Variants in KALRN observed in about 807,000 individuals in gnomAD.
KALRN encodes the protein kalirin.
A neutral mutation model predicts 353.7 loss-of-function variants in KALRN; 70 were observed. That is an observed-to-expected ratio of 0.20 (90% confidence interval 0.16 to 0.24). The LOEUF (loss-of-function observed/expected upper bound fraction) is 0.24. Among genes scored for constraint, KALRN ranks in the 10% least tolerant of loss-of-function variants. KALRN has a pLI of 1.00. For missense variants in KALRN, 2,791 were observed against 3,756.7 expected, an observed-to-expected ratio of 0.74 and a Z score of 6.72; for synonymous variants, 1,391 against 1,434.8, an observed-to-expected ratio of 0.97 and a Z score of 0.69.
intron 3 of KALRN, among the ~76,000 whole-genome samples, chr3:124,247,334 A>G (rs2070432297): frequency 6.6e-6 from 1 of 152,208 alleles, no homozygotes; most frequent in African/African-American, 2.4e-5. Flanking sequence ...CTGAAATTTA[A>G]GCAACCAATA....
intron 33 of KALRN, among the ~76,000 whole-genome samples, chr3:124,523,160 A>G (rs2067302156): frequency 6.6e-6 from 1 of 152,230 alleles, no homozygotes; most frequent in Non-Finnish European, 1.5e-5. Context: ...TTGAGCTATC[A>G]AGTCTGAGAC....
chr3:124,337,866 A>G (rs1365606527), intron 9 of KALRN, among the ~76,000 whole-genome samples: 1 of 152,102 alleles, frequency 6.6e-6, no homozygotes, highest in African/African-American at 2.4e-5. Context: ...TAGTCTTGGG[A>G]GGATGTATGT....
intron 27 of KALRN, among the ~76,000 whole-genome samples, chr3:124,482,222 A>G (rs2062057020): frequency 6.6e-6 from 1 of 152,354 alleles, no homozygotes; most frequent in East Asian, 1.9e-4. Flanking sequence ...AGACCTGAAG[A>G]ATGAAGGAGG....
intron 1 of KALRN, among the ~76,000 whole-genome samples, chr3:124,198,630 G>A (rs2075670514): frequency 6.6e-6 from 1 of 152,188 alleles, no homozygotes; most frequent in South Asian, 2.1e-4. Flanking sequence ...TTGATAAGGA[G>A]TTCTTATTCT....
Position 124,347,562 on chromosome 3 carries a change from T to C in KALRN, c.1770+297T>C, listed in dbSNP as rs562120929. Among the ~76,000 whole-genome samples, 7 of 152,170 alleles carry C rather than the reference T, an allele frequency of 4.6e-5. No individual in the cohort carries two copies. The South Asian group carries it at 1.5e-3, about 32-fold the overall frequency. ...GTAAAATAGATGCCCACATTTATGG[T>C]CTTTGAAAAAGATCTTCCTGCTGGT... On this transcript the variant is annotated intron_variant, in intron 10 of 59. Coordinates refer to ENST00000682506, the MANE Select transcript of KALRN (RefSeq NM_001388419.1).
intron 5 of KALRN, among the ~76,000 whole-genome samples, chr3:124,275,345 C>G (rs2074593880): frequency 6.6e-6 from 1 of 152,216 alleles, no homozygotes; most frequent in Non-Finnish European, 1.5e-5. Flanking sequence ...CCTTTTACAA[C>G]TTAACAATTG....
intron 1 of KALRN, among the ~76,000 whole-genome samples, chr3:124,059,095 A>C (rs1230559261): frequency 1.3e-5 from 2 of 152,094 alleles, no homozygotes; most frequent in African/African-American, 4.8e-5. Context: ...GAGGTCCTTT[A>C]ACTTTCTCAG....
chr3:124,221,451 G>A (rs938498334), intron 1 of KALRN, among the ~76,000 whole-genome samples: 1 of 152,142 alleles, frequency 6.6e-6, no homozygotes, highest in Non-Finnish European at 1.5e-5. Context: ...TACCCTCAAG[G>A]CATCAGGATC....
At chr3:124,705,822 C>CCTTCCTTCCTT (rs1553740574) in intron 57 of KALRN, among the ~76,000 whole-genome samples, 17 of 144,666 alleles carry the variant, frequency 1.2e-4, no homozygotes, top group African/African-American at 4.0e-4. Flanking sequence ...CTTCCTTCCT[C>CCTTCCTTCCTT]CCTTCCTTCC....
chr3:124,149,344 A>G (rs1578631198), intron 1 of KALRN, among the ~76,000 whole-genome samples: 1 of 152,206 alleles, frequency 6.6e-6, no homozygotes, highest in East Asian at 1.9e-4. Context: ...CCATTGCTAC[A>G]AGTAGGAGTC....
At chr3:124,559,459 G>A (rs753607106) in intron 33 of KALRN, among the ~76,000 whole-genome samples, 25 of 152,306 alleles carry the variant, frequency 1.6e-4, no homozygotes, top group Admixed American at 2.6e-4. Flanking sequence ...ATATCTGAGA[G>A]CTCCTGGGAA....
At chr3:124,139,315 T>C (rs560988615) in intron 1 of KALRN, among the ~76,000 whole-genome samples, 2 of 152,278 alleles carry the variant, frequency 1.3e-5, no homozygotes, top group South Asian at 4.1e-4. Context: ...TTTGGGTGTA[T>C]ATGTTAAGTA....
chr3:124,523,092 G>C (rs1001501076), intron 33 of KALRN, among the ~76,000 whole-genome samples: 2 of 152,224 alleles, frequency 1.3e-5, no homozygotes, highest in Non-Finnish European at 2.9e-5. Flanking sequence ...CAGTGCAAAT[G>C]AATTATTACA....
At chr3:124,400,795 G>C (rs1284932789) in intron 13 of KALRN, among the ~76,000 whole-genome samples, 1 of 152,196 alleles carries the variant, frequency 6.6e-6, no homozygotes. Context: ...TGCCCACTGG[G>C]AGAGAATATA....
intron 5 of KALRN, among the ~76,000 whole-genome samples, chr3:124,293,304 A>G (rs1291093792): frequency 6.6e-6 from 1 of 152,224 alleles, no homozygotes; most frequent in Non-Finnish European, 1.5e-5. Flanking sequence ...AATACTAACA[A>G]TAGATAATAA....
chr3:124,312,174 CATTTA>C (rs1300995555), intron 6 of KALRN, among the ~76,000 whole-genome samples: 6 of 152,012 alleles, frequency 3.9e-5, no homozygotes, highest in African/African-American at 1.4e-4. Context: ...CATTTCATTT[CATTTA>C]GACAGAATTT....
At chr3:124,147,967 C>T (rs766636599) in intron 1 of KALRN, among the ~76,000 whole-genome samples, 2 of 152,134 alleles carry the variant, frequency 1.3e-5, no homozygotes, top group East Asian at 3.9e-4. Context: ...GGGTGCCTTC[C>T]GTGTTGTGGG....
chr3:124,113,198 A>G (rs1042670610), intron 1 of KALRN, among the ~76,000 whole-genome samples: 3 of 152,242 alleles, frequency 2.0e-5, no homozygotes, highest in Non-Finnish European at 4.4e-5. Context: ...GGCATGTCAC[A>G]GCCTCTCTAG....
chr3:124,242,153 G>GTGAAA (rs1160107765), intron 3 of KALRN, among the ~76,000 whole-genome samples: 4 of 152,216 alleles, frequency 2.6e-5, no homozygotes, highest in Admixed American at 2.6e-4. Flanking sequence ...TGGCAACTGA[G>GTGAAA]TGGAAGATGA....
Sources: gnomAD v4.1 joint callset for allele counts (sites outside exome capture counted in the v4.1 genomes callset) on GRCh38, gnomAD v4.1.1 for gene constraint, MANE v1.5 for transcripts, NCBI Gene and HGNC (gene_info 2026-07-23, HGNC 2026-07-21) for gene names.